The following ADAMTSL1 variants were observed in gnomAD, a reference collection of about 807,000 sequenced individuals.
The protein encoded by ADAMTSL1 is ADAMTS like 1.
Under a neutral mutation model 201.8 loss-of-function variants are expected in ADAMTSL1, and 126 were observed. The observed-to-expected ratio is 0.62, with a 90% CI of 0.54 to 0.72. ADAMTSL1 has a LOEUF of 0.72. Ranked by LOEUF, ADAMTSL1 falls within the 30% of genes least tolerant of loss-of-function variation. ADAMTSL1 has a pLI of 0.00. For synonymous variants in ADAMTSL1, 1,121 were observed against 903.4 expected, an observed-to-expected ratio of 1.24 and a Z score of -4.32; for missense variants, 2,679 against 2,277.8, an observed-to-expected ratio of 1.18 and a Z score of -3.59.
chr9:18,524,378 A>G (rs1818899346), intron 2 of ADAMTSL1, among the ~76,000 whole-genome samples: 2 of 152,198 alleles, frequency 1.3e-5, no homozygotes, highest in African/African-American at 4.8e-5. Flanking sequence ...CAATCATGTC[A>G]TCTGCAAACA....
chr9:18,376,785 G>A (rs998945236), intron 2 of ADAMTSL1, among the ~76,000 whole-genome samples: 12 of 152,016 alleles, frequency 7.9e-5, no homozygotes, highest in Non-Finnish European at 1.2e-4. Flanking sequence ...CAGCCTGGGC[G>A]ACAGAAAGAG....
At chr9:17,936,562 T>C (rs970195065) in intron 1 of ADAMTSL1, among the ~76,000 whole-genome samples, 1 of 152,164 alleles carries the variant, frequency 6.6e-6, no homozygotes, top group African/African-American at 2.4e-5. Flanking sequence ...TCTAACAATC[T>C]GTGAATGTGG....
chr9:18,441,009 T>C (rs1409688578), intron 2 of ADAMTSL1, among the ~76,000 whole-genome samples: 2 of 152,174 alleles, frequency 1.3e-5, no homozygotes, highest in Non-Finnish European at 2.9e-5. Context: ...AGCACTGATT[T>C]ATGTCACAAC....
intron 1 of ADAMTSL1, among the ~76,000 whole-genome samples, chr9:17,922,921 A>G (rs796920422): frequency 1.3e-5 from 2 of 152,196 alleles, no homozygotes; most frequent in African/African-American, 4.8e-5. Context: ...ACATAGGGGA[A>G]GGAAAGCCCC....
intron 23 of ADAMTSL1, among the ~76,000 whole-genome samples, chr9:18,881,838 G>A (rs1244120386): frequency 6.6e-6 from 1 of 152,144 alleles, no homozygotes; most frequent in Non-Finnish European, 1.5e-5. Flanking sequence ...TGAGTTCCAA[G>A]AACTCCACAT....
intron 7 of ADAMTSL1, among the ~76,000 whole-genome samples, chr9:18,645,987 C>T (rs138073282): frequency 0.033 from 5,086 of 151,986 alleles, 101 homozygotes; most frequent in South Asian, 0.074. Flanking sequence ...GGCAGTATGG[C>T]CATTTTCATG....
At chr9:18,718,079 A>C in intron 14 of ADAMTSL1, 5 of 1,450,510 alleles carry the variant, frequency 3.4e-6, no homozygotes, top group Non-Finnish European at 4.8e-6. Flanking sequence ...ATTTATTTTG[A>C]ATTTTGTAGA....
chr9:18,092,412 T>A (rs566937502), intron 1 of ADAMTSL1, among the ~76,000 whole-genome samples: 5 of 152,242 alleles, frequency 3.3e-5, no homozygotes, highest in Non-Finnish European at 7.3e-5. Context: ...AGCAATATAG[T>A]TGAATTAGGG....
At chr9:18,708,909 G>A (rs190109183) in intron 14 of ADAMTSL1, among the ~76,000 whole-genome samples, 4 of 152,262 alleles carry the variant, frequency 2.6e-5, no homozygotes, top group Admixed American at 1.3e-4. Context: ...TTGAAGTGTC[G>A]AGTGTATGTG....
chr9:18,619,123 C>G (rs1267831119), intron 4 of ADAMTSL1, among the ~76,000 whole-genome samples: 1 of 152,000 alleles, frequency 6.6e-6, no homozygotes, highest in Non-Finnish European at 1.5e-5. Context: ...AAAATAATAG[C>G]ATGTGCACAG....
intron 1 of ADAMTSL1, among the ~76,000 whole-genome samples, chr9:18,153,291 A>C (rs1280299278): frequency 6.6e-6 from 1 of 152,006 alleles, no homozygotes; most frequent in Non-Finnish European, 1.5e-5. Context: ...CTATACTCTG[A>C]CCCTTATTAG....
intron 1 of ADAMTSL1, among the ~76,000 whole-genome samples, chr9:18,098,989 G>A (rs915219865): frequency 6.6e-6 from 1 of 152,036 alleles, no homozygotes; most frequent in Non-Finnish European, 1.5e-5. Context: ...TCTGAAGATA[G>A]TTGCCTTATA....
chr9:18,093,543 C>T (rs1824115631), intron 1 of ADAMTSL1, among the ~76,000 whole-genome samples: 2 of 152,136 alleles, frequency 1.3e-5, no homozygotes, highest in African/African-American at 4.8e-5. Context: ...TAGGACTACC[C>T]TCATTTTCCT....
At chr9:18,073,538 G>C (rs963743455) in intron 1 of ADAMTSL1, among the ~76,000 whole-genome samples, 53 of 152,140 alleles carry the variant, frequency 3.5e-4, no homozygotes, top group African/African-American at 1.3e-3. Flanking sequence ...TTTGGGTGGG[G>C]TCCATTGTGT....
chr9:18,170,046 A>C (rs1321834068), intron 2 of ADAMTSL1, among the ~76,000 whole-genome samples: 4 of 151,970 alleles, frequency 2.6e-5, no homozygotes, highest in African/African-American at 4.8e-5. Flanking sequence ...TACAAAGAAA[A>C]AATCAGAACA....
At chr9:18,879,472 G>A (rs1828388176) in intron 23 of ADAMTSL1, among the ~76,000 whole-genome samples, 1 of 152,050 alleles carries the variant, frequency 6.6e-6, no homozygotes, top group Non-Finnish European at 1.5e-5. Context: ...TTTACTTTGG[G>A]TTCAGTTACA....
intron 2 of ADAMTSL1, among the ~76,000 whole-genome samples, chr9:18,176,033 A>T (rs892777923): frequency 4.3e-5 from 6 of 138,172 alleles, no homozygotes; most frequent in Admixed American, 2.9e-4. Context: ...AAAAAAAAAA[A>T]GGCAAACAAA....
At chr9:18,852,366 C>G (rs1313961161) in intron 23 of ADAMTSL1, among the ~76,000 whole-genome samples, 1 of 152,156 alleles carries the variant, frequency 6.6e-6, no homozygotes, top group Non-Finnish European at 1.5e-5. Context: ...ATAGTAAATG[C>G]TCAGTTAACA....
intron 2 of ADAMTSL1, among the ~76,000 whole-genome samples, chr9:18,520,376 T>C (rs370194736): frequency 6.6e-6 from 1 of 152,234 alleles, no homozygotes; most frequent in South Asian, 2.1e-4. Flanking sequence ...TAAATCAGTG[T>C]TTCCAAGTTG....
Sources: allele counts gnomAD v4.1 joint callset (sites outside exome capture counted in the v4.1 genomes callset), GRCh38; gene constraint gnomAD v4.1.1; transcripts MANE v1.5; gene names NCBI Gene and HGNC (gene_info 2026-07-23, HGNC 2026-07-21).